TTLL3: variants seen among roughly 807,000 people sequenced by gnomAD.
TTLL3 encodes tubulin tyrosine ligase like 3, also known as tubulin monoglycylase TTLL3.
TTLL3 carries 63 observed loss-of-function variants against 75.2 expected under a neutral mutation model. The observed-to-expected ratio is 0.84, with a 90% CI of 0.68 to 1.03. TTLL3 has a LOEUF of 1.03. TTLL3 is among the 50% of genes least tolerant of loss of function. The probability of loss-of-function intolerance (pLI) is 0.00; values close to 1 mark genes in which losing one functional copy is unlikely to be tolerated. For missense variants in TTLL3, 997 were observed against 1,069.9 expected, an observed-to-expected ratio of 0.93 and a Z score of 0.95; for synonymous variants, 393 against 418.5, an observed-to-expected ratio of 0.94 and a Z score of 0.74.
intron 4 of TTLL3, among the ~76,000 whole-genome samples, 179 bp from the exon 5 acceptor site, chr3:9,815,895 G>A (rs2079807320): frequency 6.6e-6 from 1 of 152,224 alleles, no homozygotes; most frequent in Non-Finnish European, 1.5e-5. Flanking sequence ...GCCCACCTGT[G>A]CCCTGGAGGA....
At chr3:9,832,191 T>G (rs557047685) in intron 11 of TTLL3, among the ~76,000 whole-genome samples, 2 of 145,350 alleles carry the variant, frequency 1.4e-5, no homozygotes, top group East Asian at 4.2e-4. Flanking sequence ...GTTCAAGCAA[T>G]TCTCCTGCCT....
At chr3:9,834,535 C>T (rs2081913772) in intron 12 of TTLL3, 146 bp from the exon 13 acceptor site, 7 of 1,297,454 alleles carry the variant, frequency 5.4e-6, no homozygotes, top group Non-Finnish European at 7.5e-6. Flanking sequence ...TTTCTTCTCA[C>T]TGCCTCTGGA....
intron 8 of TTLL3, chr3:9,821,076 G>C: frequency 3.9e-6 from 1 of 254,596 alleles, no homozygotes; most frequent in Non-Finnish European, 7.3e-6. Context: ...GGAAAACACT[G>C]GATTAAGCAG....
Position 9,810,493 on chromosome 3 carries a change from G to GCTCA in TTLL3, c.-42+99_-42+100insCTCA, listed in dbSNP as rs539595658. The stretch of plus-strand genomic sequence containing the variant: ...TGGGGGTCGGGAGAAGAGCGGCTGA[G>GCTCA]GGTGGGCATCTGGATGAAGGCAGGA... On this transcript the variant is annotated intron_variant, in intron 1 of 13. Coordinates refer to ENST00000685419, the MANE Select transcript of TTLL3 (RefSeq NM_001387446.1). This position sits in a 1 kb window ranked among gnomAD's most constrained non-coding sequence, Gnocchi z 4.4. The GCTCA allele has an allele frequency of 7.7e-5, 112 of 1,453,636 alleles. 1 individual carries two copies. The South Asian group carries it at 1.1e-3, about 15-fold the overall frequency. The allele number at this position is 1,453,636 out of a possible 1,614,324, so 90.0% of individuals were successfully genotyped here.
At chr3:9,813,962 C>T (rs1010259418) in intron 4 of TTLL3, among the ~76,000 whole-genome samples, 9 of 152,030 alleles carry the variant, frequency 5.9e-5, no homozygotes, top group African/African-American at 1.7e-4. Context: ...TCCCCTTCCC[C>T]GCTGCCCTTG....
rs1187916806 is a variant in TTLL3, at chr3:9,826,988, C to G, written c.1004-9C>G. 11 of 1,613,974 alleles carry G rather than the reference C, an allele frequency of 6.8e-6. 1 individual carries two copies. In the South Asian group the frequency reaches 1.1e-4, roughly 16 times the overall value. ...CCTTCCAATCCCTGACTGCCCTCTT[C>G]CCCCGTAGGCATCATGTGCATGGAC... On this transcript the variant is annotated splice_polypyrimidine_tract_variant and intron_variant, in intron 9 of 13. Coordinates refer to ENST00000685419, the MANE Select transcript of TTLL3 (RefSeq NM_001387446.1).
rs1379768544 is a variant in TTLL3, at chr3:9,817,593, T to A, written c.445-52T>A. On this transcript the variant is annotated intron_variant, in intron 5 of 13. Transcript: ENST00000685419. ...AGAGTCTTTCTGAACTGTCTGGGTG[T>A]GTGGTGAGTGTGGGCAGTCCTGCCC... 5.0e-6 allele frequency: 8 copies of A among 1,612,814 alleles called. No individual in the cohort carries two copies. The East Asian group carries it at 1.8e-4, about 36-fold the overall frequency.
At chr3:9,834,648 C>T in intron 12 of TTLL3, 33 bp from the exon 13 acceptor site, 4 of 1,612,702 alleles carry the variant, frequency 2.5e-6, no homozygotes, top group East Asian at 2.2e-5. Flanking sequence ...TGGGCCCCAC[C>T]CCAGGGCCTC....
intron 11 of TTLL3, among the ~76,000 whole-genome samples, chr3:9,830,709 G>T (rs532628051): frequency 1.6e-4 from 25 of 152,290 alleles, no homozygotes; most frequent in Non-Finnish European, 3.2e-4. Context: ...GCTTCTAAAG[G>T]TATGGATGTG....
chr3:9,823,070 C>T (rs2080636267), intron 8 of TTLL3, among the ~76,000 whole-genome samples: 1 of 150,184 alleles, frequency 6.7e-6, no homozygotes, highest in African/African-American at 2.4e-5. Context: ...ATGGTGAAAC[C>T]CCATCTCTTC....
chr3:9,810,480 G>A lies in TTLL3; in HGVS notation c.-42+86G>A. 2.8e-6 allele frequency: 4 copies of A among 1,447,158 alleles called. No homozygotes were observed. The highest frequency in any genetic ancestry group is 3.6e-6 in the Non-Finnish European group (4 of 1,101,562). The allele number at this position is 1,447,158 out of a possible 1,614,324, so 89.6% of individuals were successfully genotyped here. On this transcript the variant is annotated intron_variant, in intron 1 of 13. Transcript: ENST00000685419. This position sits in a 1 kb window ranked among gnomAD's most constrained non-coding sequence, Gnocchi z 4.4. Reference sequence around the variant, plus strand: ...GGGGTGGAGGGACTGGGGGTCGGGAGAAGAGCGGCTGAGGGTGGGCATCTG... The same window carrying A: ...GGGGTGGAGGGACTGGGGGTCGGGAAAAGAGCGGCTGAGGGTGGGCATCTG...
In TTLL3 at chr3:9,814,660, A is replaced by C. The variant is rs181739531; in HGVS notation, c.315+1315A>C. On this transcript the variant is annotated intron_variant, in intron 4 of 13. Coordinates refer to ENST00000685419, the MANE Select transcript of TTLL3 (RefSeq NM_001387446.1). ...GAGACTCTGTCTCAAAAATAAAATA[A>C]AAATACAAAAATTAGCCAGGCATGG... Among the ~76,000 whole-genome samples the C allele has an allele frequency of 1.4e-3, 217 of 150,116 alleles. 1 individual carries two copies. The highest frequency in any genetic ancestry group is 3.6e-3 in the Middle Eastern group (1 of 280).
chr3:9,820,617 T>C lies in TTLL3; in HGVS notation c.730T>C (p.Cys244Arg). 1 of 1,614,076 alleles carries C rather than the reference T, an allele frequency of 6.2e-7. No homozygotes were observed. Among genetic ancestry groups the C allele is most frequent in the South Asian group, 1.1e-5 (1 of 91,080 alleles). Residue 244 changes from cysteine (C) to arginine (R), a missense_variant, in exon 8 of 14, where the codon TGT (cysteine) becomes CGT (arginine). Coordinates refer to ENST00000685419, the MANE Select transcript of TTLL3 (RefSeq NM_001387446.1). ...VSPEFVDEAL[C>R]ACEEYLSNLA... ...CCCAGAGTTTGTGGATGAAGCTCTG[T>C]GTGCGTGCGAGGAGTACCTTAGCAA...
chr3:9,830,906 G>A (rs1333814713), intron 11 of TTLL3, among the ~76,000 whole-genome samples: 1 of 152,058 alleles, frequency 6.6e-6, no homozygotes, highest in African/African-American at 2.4e-5. Flanking sequence ...GGGTTCAAGC[G>A]CTTTTCCTGC....
intron 4 of TTLL3, 116 bp downstream of exon 4, chr3:9,813,461 A>G: frequency 8.2e-7 from 1 of 1,215,438 alleles, no homozygotes; most frequent in Non-Finnish European, 1.2e-6. Context: ...CAGTTTCCCT[A>G]TCTGTAGTAA....
In TTLL3 at chr3:9,810,784, T is replaced by C. The variant is rs573981576; in HGVS notation, c.48+75T>C. On this transcript the variant is annotated intron_variant, in intron 2 of 13. Coordinates refer to ENST00000685419, the MANE Select transcript of TTLL3 (RefSeq NM_001387446.1). The surrounding 1 kb of genome is among the most constrained non-coding windows in gnomAD (Gnocchi z 4.4). ...CCTGTCTCCCTGCGCTGTTTTCTTA[T>C]ATCCTTAAAAAACAAAAGCAAAAGA... The C allele has an allele frequency of 2.1e-5, 28 of 1,361,220 alleles. No homozygotes were observed. The highest frequency in any genetic ancestry group is 1.8e-4 in the African/African-American group (12 of 67,120). The allele number at this position is 1,361,220 out of a possible 1,614,324, so 84.3% of individuals were successfully genotyped here. A position where few individuals can be genotyped will look rare whatever the true frequency, so the allele number is the denominator to read the frequency against.
At chr3:9,828,918 G>C in intron 10 of TTLL3, 42 bp from the exon 11 acceptor site, 17 of 1,603,154 alleles carry the variant, frequency 1.1e-5, no homozygotes, top group Non-Finnish European at 1.4e-5. Flanking sequence ...GGATGGGAGA[G>C]ACACAAGGGC....
intron 4 of TTLL3, among the ~76,000 whole-genome samples, chr3:9,814,493 G>T (rs923894775): frequency 6.6e-6 from 1 of 151,560 alleles, no homozygotes; most frequent in African/African-American, 2.4e-5. Context: ...TAAAAAAATA[G>T]AAAAATTAGC....
At position 9,820,418 on chromosome 3, in the gene TTLL3, G is replaced by T; in HGVS notation, c.659-128G>T. The T allele has an allele frequency of 2.0e-6, 3 of 1,531,390 alleles. No homozygotes were observed. The East Asian group carries it at 6.8e-5, about 35-fold the overall frequency. The allele number at this position is 1,531,390 out of a possible 1,614,324, so 94.9% of individuals were successfully genotyped here. A position where few individuals can be genotyped will look rare whatever the true frequency, so the allele number is the denominator to read the frequency against. ...CAGCTAAGTGACACATCCCAGGGCAGTAGGGGATCTATCTAGGTTCGTGCT... is the reference window on the plus strand; with the variant it reads ...CAGCTAAGTGACACATCCCAGGGCATTAGGGGATCTATCTAGGTTCGTGCT... On this transcript the variant is annotated intron_variant, in intron 7 of 13. Transcript: ENST00000685419.
Sources: allele counts gnomAD v4.1 joint callset (sites outside exome capture counted in the v4.1 genomes callset), GRCh38; gene constraint gnomAD v4.1.1; non-coding constraint Gnocchi (gnomAD v3.1); transcripts MANE v1.5; gene names NCBI Gene and HGNC (gene_info 2026-07-23, HGNC 2026-07-21).